CHSY1: variants seen among roughly 807,000 people sequenced by gnomAD.
CHSY1 encodes N-acetylgalactosaminyl-proteoglycan 3-beta-glucuronosyltransferase 1.
A neutral mutation model predicts 59.8 loss-of-function variants in CHSY1; 13 were observed. That is an observed-to-expected ratio of 0.22 (90% CI 0.14 to 0.35). The LOEUF is 0.35. Among genes scored for constraint, CHSY1 ranks in the 10% least tolerant of loss-of-function variants. The pLI is 1.00. For missense variants in CHSY1, 947 were observed against 1,030.6 expected, an observed-to-expected ratio of 0.92 and a Z score of 1.11; for synonymous variants, 459 against 401.2, an observed-to-expected ratio of 1.14 and a Z score of -1.72.
rs2038185343 is a variant in CHSY1 at position 101,176,170 on chromosome 15, T to C, written c.*1218A>G. On this transcript the variant is annotated 3_prime_UTR_variant, in exon 3 of 3. Transcript: ENST00000254190. ...AGACTAAACACACTCCCGATACACA[T>C]AAATAATACTAACTAACAGGTACTC... The C allele has an allele frequency of 2.5e-6, 1 of 398,326 alleles. No homozygotes were observed. The highest frequency in any genetic ancestry group is 4.4e-6 in the Non-Finnish European group (1 of 225,878). The allele number at this position is 398,326 out of a possible 1,614,324, so 24.7% of individuals were successfully genotyped here.
intron 2 of CHSY1, among the ~76,000 whole-genome samples, chr15:101,222,871 G>A (rs1450619711): frequency 6.6e-6 from 1 of 152,128 alleles, no homozygotes; most frequent in East Asian, 1.9e-4. Context: ...ACTCCATTCA[G>A]GAGCCTCGAG....
Position 101,251,440 on chromosome 15 carries a change from C to A in CHSY1, c.17G>T (p.Arg6Leu). Residue 6 changes from arginine to leucine, a missense_variant, in exon 1 of 3, where the codon CGG becomes CTG. Physicochemically the swap from Arg to Leu is moderately radical, Grantham distance 102 (BLOSUM62 -2). Transcript: ENST00000254190. MAARG[R>L]RAWLSVLLGL... is the part of the protein sequence containing the mutation. Reference sequence around the variant, plus strand: ...GAGCAGCACGCTGAGCCAGGCGCGCCGGCCGCGCGCGGCCATGCCCGCGCC... The same window carrying A: ...GAGCAGCACGCTGAGCCAGGCGCGCAGGCCGCGCGCGGCCATGCCCGCGCC... 1 of 1,060,218 alleles carries A rather than the reference C, an allele frequency of 9.4e-7. No individual in the cohort carries two copies. Among genetic ancestry groups the A allele is most frequent in the South Asian group, 2.6e-5 (1 of 37,898 alleles). 65.7% of individuals were successfully genotyped at this position (1,060,218 alleles called of 1,614,324 possible).
At chr15:101,189,159 C>A (rs911295125) in intron 2 of CHSY1, among the ~76,000 whole-genome samples, 2 of 152,162 alleles carry the variant, frequency 1.3e-5, no homozygotes, top group Non-Finnish European at 2.9e-5. Context: ...GCGTGGCGGG[C>A]GAAAGAGTCC....
At chr15:101,229,529 T>A (rs986609985) in intron 2 of CHSY1, among the ~76,000 whole-genome samples, 1 of 152,078 alleles carries the variant, frequency 6.6e-6, no homozygotes, top group African/African-American at 2.4e-5. Flanking sequence ...TATAAACATA[T>A]ATACATCCCA....
chr15:101,248,046 G>GT (rs555609193), intron 1 of CHSY1, among the ~76,000 whole-genome samples: 197 of 151,274 alleles, frequency 1.3e-3, no homozygotes, highest in Non-Finnish European at 2.2e-3. Context: ...TTGTTTTTTT[G>GT]TTTTTTTTAA....
intron 2 of CHSY1, among the ~76,000 whole-genome samples, chr15:101,185,516 C>CT (rs1567087784): frequency 1.5e-4 from 22 of 149,518 alleles, no homozygotes; most frequent in South Asian, 4.3e-4. Context: ...ACCCTCCATC[C>CT]CCCTTCCCTG....
At chr15:101,203,842 C>T (rs1008274909) in intron 2 of CHSY1, among the ~76,000 whole-genome samples, 15 of 152,244 alleles carry the variant, frequency 9.9e-5, no homozygotes, top group Non-Finnish European at 1.0e-4. Context: ...ACAGCAAAGA[C>T]AAGGTCAAGG....
chr15:101,181,577 C>T (rs974519247), intron 2 of CHSY1, among the ~76,000 whole-genome samples: 61 of 152,292 alleles, frequency 4.0e-4, no homozygotes, highest in African/African-American at 1.2e-3. Context: ...CATGTATCTC[C>T]GACCCTTCTC....
chr15:101,207,456 A>AT (rs2038638285), intron 2 of CHSY1, among the ~76,000 whole-genome samples: 1 of 152,278 alleles, frequency 6.6e-6, no homozygotes, highest in Non-Finnish European at 1.5e-5. Flanking sequence ...GTTATATAAT[A>AT]TTTCATTTCA....
At chr15:101,207,121 C>T in intron 2 of CHSY1, among the ~76,000 whole-genome samples, 1 of 151,748 alleles carries the variant, frequency 6.6e-6, no homozygotes, top group South Asian at 2.1e-4. Context: ...CAAATATTGT[C>T]TAATATATTT....
chr15:101,182,483 TCTTAGTCCTCTGGGTTTA>T (rs1479102047), intron 2 of CHSY1, among the ~76,000 whole-genome samples: 2 of 152,366 alleles, frequency 1.3e-5, no homozygotes, highest in Admixed American at 1.3e-4. Flanking sequence ...GAATGCTGCA[TCTTAGTCCTCTGGGTTTA>T]CTTCCTTGAT....
chr15:101,183,707 G>A (rs564021804), intron 2 of CHSY1, among the ~76,000 whole-genome samples: 1 of 152,346 alleles, frequency 6.6e-6, no homozygotes, highest in Admixed American at 6.5e-5. Flanking sequence ...GCAGCTGCGG[G>A]AACACGTGCA....
chr15:101,220,111 C>T (rs2038773901), intron 2 of CHSY1, among the ~76,000 whole-genome samples: 1 of 152,164 alleles, frequency 6.6e-6, no homozygotes, highest in African/African-American at 2.4e-5. Flanking sequence ...CAAATACCTG[C>T]CATCCAAGTC....
At chr15:101,192,030 T>TA (rs1290960904) in intron 2 of CHSY1, among the ~76,000 whole-genome samples, 1 of 152,184 alleles carries the variant, frequency 6.6e-6, no homozygotes, top group Non-Finnish European at 1.5e-5. Context: ...GTTTGTTCTT[T>TA]AACACAGTAT....
chr15:101,240,261 C>T (rs1476099192), intron 1 of CHSY1, among the ~76,000 whole-genome samples: 9 of 152,164 alleles, frequency 5.9e-5, no homozygotes, highest in African/African-American at 2.2e-4. Context: ...GAACATAAAT[C>T]GTGATTCACC....
chr15:101,243,190 G>A (rs1416208753), intron 1 of CHSY1, among the ~76,000 whole-genome samples: 1 of 152,046 alleles, frequency 6.6e-6, no homozygotes, highest in Non-Finnish European at 1.5e-5. Flanking sequence ...GCAAACAATG[G>A]GAACAGAGAC....
intron 1 of CHSY1, among the ~76,000 whole-genome samples, chr15:101,249,916 G>A (rs890163148): frequency 6.6e-6 from 1 of 152,188 alleles, no homozygotes; most frequent in African/African-American, 2.4e-5. Flanking sequence ...GGACCCTAAT[G>A]GAAATGTGCA....
intron 2 of CHSY1, among the ~76,000 whole-genome samples, chr15:101,211,180 C>T (rs748724447): frequency 1.3e-5 from 2 of 152,032 alleles, no homozygotes; most frequent in Non-Finnish European, 2.9e-5. Flanking sequence ...AAAAATTAGC[C>T]GGGCGTGGTG....
chr15:101,234,088 C>T (rs1383056137), intron 2 of CHSY1, among the ~76,000 whole-genome samples: 1 of 152,200 alleles, frequency 6.6e-6, no homozygotes, highest in Middle Eastern at 3.2e-3. Context: ...GCAGCAACAA[C>T]ACAGGAAAGT....
Sources: allele counts gnomAD v4.1 joint callset (sites outside exome capture counted in the v4.1 genomes callset), GRCh38; gene constraint gnomAD v4.1.1; transcripts MANE v1.5; gene names NCBI Gene and HGNC (gene_info 2026-07-23, HGNC 2026-07-21).